The following MGAM variants were observed in gnomAD, a reference collection of about 807,000 sequenced individuals.
The protein encoded by MGAM is maltase-glucoamylase, also known as alpha-1,4-glucosidase.
In MGAM, 253 loss-of-function variants were observed where a neutral mutation model predicts 358.8. That is an observed-to-expected ratio of 0.71 (90% CI 0.64 to 0.78). The LOEUF is 0.78. Ranked by LOEUF, MGAM falls within the 30% of genes least tolerant of loss-of-function variation. MGAM has a pLI of 0.00. For synonymous variants in MGAM, 1,105 were observed against 1,227.1 expected, an observed-to-expected ratio of 0.90 and a Z score of 2.08; for missense variants, 3,080 against 3,432.6, an observed-to-expected ratio of 0.90 and a Z score of 2.57.
In MGAM at chr7:142,094,488, T is replaced by C. The variant is rs749022480; in HGVS notation, c.7297T>C (p.Ser2433Pro). The C allele has an allele frequency of 1.3e-6, 2 of 1,543,262 alleles. No individual in the cohort carries two copies. Among genetic ancestry groups the C allele is most frequent in the South Asian group, 2.3e-5 (2 of 87,712 alleles). ...NTAAWDQLKK[S>P]IIGMMEFSLF... ...AGCCGCGTGGGATCAGCTGAAGAAG[T>C]CTATCATTGGTGCGTGGGTCCTTCC... The change falls in exon 61 of 71, where the codon TCT (serine) becomes CCT (proline). Residue 2433 changes from serine (S) to proline (P), a missense_variant. Around this residue, in one of 5 missense-constraint regions of MGAM, gnomAD observed 932 missense variants for 1,198.2 expected, o/e 0.78. Coordinates refer to ENST00000475668, the MANE Select transcript of MGAM (RefSeq NM_001365693.1).
intron 47 of MGAM, among the ~76,000 whole-genome samples, chr7:142,077,115 C>A (rs10244346): frequency 0.34 from 49,321 of 144,424 alleles, 13,007 homozygotes; most frequent in Middle Eastern, 0.51. Context: ...ATGATGAGAC[C>A]CAGGAACAGC....
intron 55 of MGAM, 111 bp from the exon 56 acceptor site, chr7:142,086,107 T>C: frequency 1.4e-6 from 2 of 1,434,348 alleles, no homozygotes; most frequent in Non-Finnish European, 1.9e-6. Context: ...ACAGAAACTC[T>C]ACAGTTCAGG....
intron 7 of MGAM, among the ~76,000 whole-genome samples, chr7:142,024,360 G>A (rs1434398595): frequency 6.6e-6 from 1 of 151,388 alleles, no homozygotes; most frequent in Admixed American, 6.6e-5. Flanking sequence ...GTTACCGTGA[G>A]CCAAGATCAC....
At chr7:142,002,658 C>T (rs1554451051) in intron 1 of MGAM, among the ~76,000 whole-genome samples, 1 of 151,962 alleles carries the variant, frequency 6.6e-6, no homozygotes, top group Admixed American at 6.6e-5. Context: ...AAAGCATTCC[C>T]CCTAAATGGA....
intron 53 of MGAM, among the ~76,000 whole-genome samples, chr7:142,084,286 GT>G (rs1351511810): frequency 6.9e-6 from 1 of 145,898 alleles, no homozygotes; most frequent in Non-Finnish European, 1.6e-5. Flanking sequence ...TACCTACAGT[GT>G]CTCTAGGAAT....
intron 21 of MGAM, among the ~76,000 whole-genome samples, chr7:142,042,003 ATATATAATATAATATATATATATTATAT>A (rs1379429520): frequency 0.19 from 3,914 of 20,270 alleles, 732 homozygotes; most frequent in African/African-American, 0.4. Flanking sequence ...TATATATTAT[ATATATAATATAATATATATATATTATAT>A]TATATACATA....
chr7:142,096,448 C>T, intron 65 of MGAM, 33 bp downstream of exon 65: 1 of 1,610,426 alleles, frequency 6.2e-7, no homozygotes, highest in South Asian at 1.1e-5. Flanking sequence ...AGGGGAGGAT[C>T]CCAGCTGTGA....
chr7:142,072,782 G>A lies in MGAM; in HGVS notation c.5187-1303G>A, dbSNP rs1161301495. Among the ~76,000 whole-genome samples, 10 of 146,090 alleles carry A rather than the reference G, an allele frequency of 6.8e-5. 1 individual carries two copies. The highest frequency in any genetic ancestry group is 1.4e-4 in the Non-Finnish European group (9 of 64,530). ...CTGACATCACGTTAACTTCCATCAAGGATCCCGGCTTCATGTGGGAATCAG... is the reference window on the plus strand; with the variant it reads ...CTGACATCACGTTAACTTCCATCAAAGATCCCGGCTTCATGTGGGAATCAG... On this transcript the variant is annotated intron_variant, in intron 44 of 70. Transcript: ENST00000475668.
chr7:142,082,845 A>C (rs1485992740), intron 52 of MGAM, among the ~76,000 whole-genome samples: 1 of 146,024 alleles, frequency 6.8e-6, no homozygotes, highest in Non-Finnish European at 1.6e-5. Context: ...AGCTCGTGAG[A>C]GCCAGTTATA....
rs1408549009 is a variant in MGAM at position 141,996,543 on chromosome 7, G to A, written c.-3+613G>A. On this transcript the variant is annotated intron_variant, in intron 1 of 70. Transcript: ENST00000475668. ...ATTATTTAATACTTAGGTTGAGGTA[G>A]CAGGCAGAAATTCTTTCAGATTCTG... 2.6e-5 allele frequency among the ~76,000 whole-genome samples: 4 copies of A among 152,212 alleles called. No individual in the cohort carries two copies. In the East Asian group the frequency reaches 5.8e-4, roughly 22 times the overall value.
chr7:142,088,747 G>GTCTGTCTATCTATCTA (rs1311472109), intron 57 of MGAM, among the ~76,000 whole-genome samples: 11 of 93,518 alleles, frequency 1.2e-4, no homozygotes, highest in East Asian at 2.8e-4. Flanking sequence ...CTGTCTGTCT[G>GTCTGTCTATCTATCTA]TCTATCTATC....
intron 10 of MGAM, among the ~76,000 whole-genome samples, chr7:142,027,944 T>C (rs1302391662): frequency 6.6e-6 from 1 of 152,178 alleles, no homozygotes; most frequent in East Asian, 1.9e-4. Context: ...ATGAAATAGA[T>C]TGGGAGACCA....
intron 1 of MGAM, among the ~76,000 whole-genome samples, chr7:141,997,862 T>C (rs1554449239): frequency 6.6e-6 from 1 of 152,200 alleles, no homozygotes; most frequent in Admixed American, 6.5e-5. Flanking sequence ...CCTACTAATA[T>C]CGCCCAGCAT....
At position 142,077,762 on chromosome 7, in the gene MGAM, T is replaced by C. The variant is rs551643748; in HGVS notation, c.5494-556T>C. On this transcript the variant is annotated intron_variant, in intron 47 of 70. Transcript: ENST00000475668. ...ATATTTCATATACTCCATAAATATG[T>C]ATACCTACTATATACTCATTAAAAT... Among the ~76,000 whole-genome samples, 18 of 145,850 alleles carry C rather than the reference T, an allele frequency of 1.2e-4. 4 individuals carry two copies. The South Asian group carries it at 1.5e-3, about 12-fold the overall frequency.
intron 28 of MGAM, 61 bp from the exon 29 acceptor site, chr7:142,055,939 A>T: frequency 6.6e-7 from 1 of 1,522,488 alleles, no homozygotes; most frequent in Non-Finnish European, 8.9e-7. Context: ...ATTTTTGTTG[A>T]GTTTCTTTCT....
At chr7:142,018,800 G>T (rs1375760164) in intron 3 of MGAM, among the ~76,000 whole-genome samples, 1 of 152,278 alleles carries the variant, frequency 6.6e-6, no homozygotes, top group Non-Finnish European at 1.5e-5. Context: ...TGATTTGAAA[G>T]CTTCAGAATA....
rs749806157 is a variant in MGAM at position 142,092,544 on chromosome 7, C to T, written c.6969C>T (p.Phe2323=). The T allele has an allele frequency of 1.6e-5, 25 of 1,549,266 alleles. 2 individuals carry two copies. In the African/African-American group the frequency reaches 2.3e-4, roughly 14 times the overall value. The stretch of plus-strand genomic sequence containing the variant: ...AGGATATGAATGAACCATCAAGCTT[C>T]GTGAATGGGGCAGTTTCTCCAGGCT... ...MWIDMNEPSS[F]VNGAVSPGCR... The change falls in exon 59 of 71, where the codon TTC becomes TTT. Residue 2323 remains phenylalanine (F), a synonymous_variant. Transcript: ENST00000475668.
rs543447668 is a variant in MGAM at position 142,049,561 on chromosome 7, G to T, written c.2588-674G>T. ...TTTGCAAACCATGTATCTCAGAAGA[G>T]ATTAATATAAAAAAATAAGGAACTC... On this transcript the variant is annotated intron_variant, in intron 22 of 70. Transcript: ENST00000475668. Among the ~76,000 whole-genome samples, 211 of 152,242 alleles carry T rather than the reference G, an allele frequency of 1.4e-3. 1 individual carries two copies. Among genetic ancestry groups the T allele is most frequent in the African/African-American group, 4.9e-3 (202 of 41,544 alleles).
rs533448228 is a variant in MGAM, at chr7:142,030,765, A to T, written c.1470+8A>T. 2 of 1,575,064 alleles carry T rather than the reference A, an allele frequency of 1.3e-6. No homozygotes were observed. Among genetic ancestry groups the T allele is most frequent in the South Asian group, 2.2e-5 (2 of 90,246 alleles). On this transcript the variant is annotated splice_region_variant and intron_variant, in intron 12 of 70. Coordinates refer to ENST00000475668, the MANE Select transcript of MGAM (RefSeq NM_001365693.1). Reference sequence around the variant, plus strand: ...ACTCCACTCATTGGGGAGGTAACTTAATGGGAAGGCTGGAGGCTGGTGGAG... The same window carrying T: ...ACTCCACTCATTGGGGAGGTAACTTTATGGGAAGGCTGGAGGCTGGTGGAG...
Sources: gnomAD v4.1 joint callset for allele counts (sites outside exome capture counted in the v4.1 genomes callset) on GRCh38, gnomAD v4.1.1 for gene constraint, gnomAD v4.1.1 regional missense constraint, MANE v1.5 for transcripts, NCBI Gene and HGNC (gene_info 2026-07-23, HGNC 2026-07-21) for gene names.